The following ERBB4 variants were observed in gnomAD, a reference collection of about 807,000 sequenced individuals.
The protein encoded by ERBB4 is erb-b2 receptor tyrosine kinase 4, also known as receptor tyrosine-protein kinase erbB-4.
ERBB4 carries 42 observed loss-of-function variants against 158.0 expected under a neutral mutation model. That is an observed-to-expected ratio of 0.27 (90% CI 0.21 to 0.34). ERBB4 has a LOEUF of 0.34. Ranked by LOEUF, ERBB4 falls within the 10% of genes least tolerant of loss-of-function variation. The probability of loss-of-function intolerance (pLI) is 1.00; values close to 1 mark genes in which losing one functional copy is unlikely to be tolerated. For missense variants in ERBB4, 1,333 were observed against 1,624.1 expected, an observed-to-expected ratio of 0.82 and a Z score of 3.08; for synonymous variants, 583 against 558.7, an observed-to-expected ratio of 1.04 and a Z score of -0.61.
intron 3 of ERBB4, among the ~76,000 whole-genome samples, chr2:211,858,909 G>C (rs1043121366): frequency 6.6e-6 from 1 of 152,072 alleles, no homozygotes; most frequent in Non-Finnish European, 1.5e-5. Flanking sequence ...AGCCTCCCGA[G>C]TAGCTGGGAT....
intron 13 of ERBB4, among the ~76,000 whole-genome samples, chr2:211,674,977 T>A (rs11893380): frequency 1.3e-5 from 2 of 152,258 alleles, no homozygotes; most frequent in African/African-American, 4.8e-5. Context: ...GGAGATGGCC[T>A]ATTGCCCTTT....
intron 1 of ERBB4, among the ~76,000 whole-genome samples, chr2:212,381,061 T>G (rs1217244100): frequency 6.6e-6 from 1 of 151,396 alleles, no homozygotes; most frequent in Non-Finnish European, 1.5e-5. Context: ...AAAAAAGTCA[T>G]AGTTAAATGT....
At chr2:211,473,889 AG>A (rs1382191175) in intron 20 of ERBB4, among the ~76,000 whole-genome samples, 1 of 152,066 alleles carries the variant, frequency 6.6e-6, no homozygotes, top group African/African-American at 2.4e-5. Flanking sequence ...AGATATCCCT[AG>A]GTCATAAAAG....
At chr2:212,197,876 G>C (rs996684250) in intron 1 of ERBB4, among the ~76,000 whole-genome samples, 1 of 152,116 alleles carries the variant, frequency 6.6e-6, no homozygotes. Context: ...TATAACTAGA[G>C]CATTTTCAGT....
intron 20 of ERBB4, among the ~76,000 whole-genome samples, chr2:211,499,941 T>C (rs145685530): frequency 1.4e-5 from 2 of 146,716 alleles, no homozygotes; most frequent in African/African-American, 4.9e-5. Flanking sequence ...ATCCTGCATG[T>C]AGATGACAAG....
At chr2:211,875,594 AG>A in intron 3 of ERBB4, among the ~76,000 whole-genome samples, 1 of 152,188 alleles carries the variant, frequency 6.6e-6, no homozygotes, top group East Asian at 1.9e-4. Context: ...TCATAGCTGT[AG>A]CAATGTTGCA....
In ERBB4 at chr2:211,556,384, C is replaced by CA. The variant is rs375590711; in HGVS notation, c.2487+5518dup. Among the ~76,000 whole-genome samples the CA allele has an allele frequency of 2.6e-3, 393 of 152,140 alleles. 3 individuals carry two copies. The highest frequency in any genetic ancestry group is 9.0e-3 in the African/African-American group (372 of 41,494). On this transcript the variant is annotated intron_variant, in intron 20 of 27. Transcript: ENST00000342788. The stretch of plus-strand genomic sequence containing the variant: ...GACATTATCAGACAAATCATTGAGA[C>CA]AAAAAACTTAACAAAGGTCTTCAGG...
At position 211,871,454 on chromosome 2, in the gene ERBB4, C is replaced by A. The variant is rs190990215; in HGVS notation, c.421+75976G>T. 9.0e-4 allele frequency among the ~76,000 whole-genome samples: 136 copies of A among 151,882 alleles called. 1 individual carries two copies. In the East Asian group the frequency reaches 9.7e-3, roughly 11 times the overall value. ...TAATTGATTAGACTCCATCTCTCTA[C>A]CATGTGCCTTATAAAGGGCCTTTTC... is the stretch of plus-strand genomic sequence containing the variant. On this transcript the variant is annotated intron_variant, in intron 3 of 27. Transcript: ENST00000342788.
intron 20 of ERBB4, among the ~76,000 whole-genome samples, chr2:211,485,379 T>C (rs1020533966): frequency 6.6e-6 from 1 of 152,116 alleles, no homozygotes; most frequent in Non-Finnish European, 1.5e-5. Context: ...CCTTTTTCTG[T>C]AGGAAAAACT....
At chr2:211,814,648 G>C (rs1019229084) in intron 3 of ERBB4, among the ~76,000 whole-genome samples, 1 of 151,730 alleles carries the variant, frequency 6.6e-6, no homozygotes, top group Non-Finnish European at 1.5e-5. Flanking sequence ...AAAAAAAAAA[G>C]TAAATTTACA....
chr2:212,402,341 C>A (rs2091230598), intron 1 of ERBB4, among the ~76,000 whole-genome samples: 1 of 151,956 alleles, frequency 6.6e-6, no homozygotes, highest in African/African-American at 2.4e-5. Flanking sequence ...TTAGTGATTG[C>A]CACAGGTTAG....
chr2:211,597,394 A>G (rs998095790), intron 19 of ERBB4, among the ~76,000 whole-genome samples: 2 of 152,238 alleles, frequency 1.3e-5, no homozygotes, highest in African/African-American at 4.8e-5. Context: ...TAATCAGAAC[A>G]TAATAACATA....
intron 2 of ERBB4, among the ~76,000 whole-genome samples, chr2:212,044,942 A>T (rs2077224393): frequency 1.3e-5 from 2 of 152,054 alleles, no homozygotes; most frequent in African/African-American, 4.8e-5. Flanking sequence ...TGGCAGCAAT[A>T]GGCTCAAAGA....
intron 25 of ERBB4, among the ~76,000 whole-genome samples, chr2:211,411,574 CT>C: frequency 6.6e-6 from 1 of 152,168 alleles, no homozygotes; most frequent in East Asian, 1.9e-4. Flanking sequence ...CCAACATGAT[CT>C]ATATTTTGAA....
At chr2:212,080,442 A>C (rs79695578) in intron 2 of ERBB4, among the ~76,000 whole-genome samples, 3,206 of 151,886 alleles carry the variant, frequency 0.021, 124 homozygotes, top group African/African-American at 0.074. Flanking sequence ...TTTAAGGCTA[A>C]GGTATATAAC....
intron 1 of ERBB4, among the ~76,000 whole-genome samples, chr2:212,314,273 T>TC (rs2087172635): frequency 2.0e-5 from 3 of 151,074 alleles, no homozygotes; most frequent in South Asian, 2.1e-4. Flanking sequence ...GTCTACCCCT[T>TC]CCTCAACTTG....
At chr2:212,433,986 C>A (rs547123559) in intron 1 of ERBB4, among the ~76,000 whole-genome samples, 27 of 152,058 alleles carry the variant, frequency 1.8e-4, no homozygotes, top group South Asian at 4.1e-4. Flanking sequence ...GTTAAACTAC[C>A]TCTCAGGAAA....
At chr2:211,644,106 T>G (rs2070699623) in intron 16 of ERBB4, among the ~76,000 whole-genome samples, 5 of 152,000 alleles carry the variant, frequency 3.3e-5, no homozygotes. Flanking sequence ...TGAGACTGTT[T>G]CTGCCTCCAC....
In ERBB4 at chr2:211,382,353, T is replaced by A. The variant is rs748687292; in HGVS notation, c.*1262A>T. The A allele has an allele frequency of 1.3e-5, 3 of 232,460 alleles. No individual in the cohort carries two copies. The highest frequency in any genetic ancestry group is 4.4e-5 in the African/African-American group (2 of 45,314). 14.4% of individuals were successfully genotyped at this position (232,460 alleles called of 1,614,324 possible). The stretch of plus-strand genomic sequence containing the variant: ...ATAATGTGCTGGCCTCTCATCATAG[T>A]CCCTGGATACCGTTGCAAGGTTCCT... On this transcript the variant is annotated 3_prime_UTR_variant, in exon 28 of 28. Coordinates refer to ENST00000342788, the MANE Select transcript of ERBB4 (RefSeq NM_005235.3).
Sources: allele counts gnomAD v4.1 joint callset (sites outside exome capture counted in the v4.1 genomes callset), GRCh38; gene constraint gnomAD v4.1.1; transcripts MANE v1.5; gene names NCBI Gene and HGNC (gene_info 2026-07-23, HGNC 2026-07-21).